Variants in GRIA4 observed in about 807,000 individuals in gnomAD.
GRIA4 encodes the protein glutamate ionotropic receptor AMPA type subunit 4.
Under a neutral mutation model 104.0 loss-of-function variants are expected in GRIA4, and 34 were observed. The observed-to-expected ratio is 0.33, with a 90% CI of 0.25 to 0.44. The LOEUF is 0.44. GRIA4 is among the 20% of genes least tolerant of loss of function. The pLI is 1.00. For missense variants in GRIA4, 750 were observed against 1,096.5 expected, an observed-to-expected ratio of 0.68 and a Z score of 4.46; for synonymous variants, 386 against 381.9, an observed-to-expected ratio of 1.01 and a Z score of -0.13.
chr11:105,777,276 TAAATCTAAGA>T (rs750736994), intron 4 of GRIA4, among the ~76,000 whole-genome samples: 58 of 152,294 alleles, frequency 3.8e-4, no homozygotes, highest in Non-Finnish European at 2.8e-4. Context: ...TGGTATGAAA[TAAATCTAAGA>T]AAATATTCCT....
chr11:105,970,089 A>G (rs1161708231), intron 14 of GRIA4, among the ~76,000 whole-genome samples: 1 of 151,992 alleles, frequency 6.6e-6, no homozygotes, highest in Admixed American at 6.6e-5. Context: ...TCCTCAACTC[A>G]CCCCACCCTC....
chr11:105,917,095 A>G (rs1240351675), intron 10 of GRIA4, among the ~76,000 whole-genome samples: 1 of 152,100 alleles, frequency 6.6e-6, no homozygotes, highest in Non-Finnish European at 1.5e-5. Flanking sequence ...CATTTGCTAA[A>G]CTCTTTATAT....
At chr11:105,684,061 A>G (rs1008551674) in intron 3 of GRIA4, among the ~76,000 whole-genome samples, 2 of 151,898 alleles carry the variant, frequency 1.3e-5, no homozygotes, top group African/African-American at 4.8e-5. Flanking sequence ...TTTAGTAGAG[A>G]TGAGGTTTCT....
At chr11:105,732,000 A>C (rs1264879433) in intron 3 of GRIA4, among the ~76,000 whole-genome samples, 2 of 152,214 alleles carry the variant, frequency 1.3e-5, no homozygotes, top group Non-Finnish European at 1.5e-5. Context: ...CGTTCTGCAC[A>C]TGTATCCCAG....
intron 3 of GRIA4, among the ~76,000 whole-genome samples, chr11:105,671,280 T>C (rs371572692): frequency 6.6e-6 from 1 of 152,000 alleles, no homozygotes; most frequent in East Asian, 1.9e-4. Flanking sequence ...GATGAAGAAA[T>C]AGCTTGAGGA....
chr11:105,714,910 C>T (rs1485332574), intron 3 of GRIA4, among the ~76,000 whole-genome samples: 1 of 151,980 alleles, frequency 6.6e-6, no homozygotes, highest in Non-Finnish European at 1.5e-5. Flanking sequence ...CTAATGTCCA[C>T]AAAAGGATGA....
At chr11:105,865,834 C>G (rs1249220554) in intron 5 of GRIA4, among the ~76,000 whole-genome samples, 1 of 152,116 alleles carries the variant, frequency 6.6e-6, no homozygotes, top group African/African-American at 2.4e-5. Flanking sequence ...TTTCTGGTAG[C>G]CAAAGTAATT....
At chr11:105,706,381 A>C (rs1194282933) in intron 3 of GRIA4, 1 of 152,856 alleles carries the variant, frequency 6.5e-6, no homozygotes, top group Non-Finnish European at 1.5e-5. Context: ...GCTTATGCCA[A>C]TGATATAAAA....
chr11:105,682,388 T>C (rs759378632), intron 3 of GRIA4, among the ~76,000 whole-genome samples: 1 of 152,104 alleles, frequency 6.6e-6, no homozygotes, highest in Non-Finnish European at 1.5e-5. Flanking sequence ...TCCCTGTAAA[T>C]GTTTTTCTTG....
rs34977277 is a variant in GRIA4 at position 105,634,449 on chromosome 11, G to GAGAA, written c.247+22030_247+22033dup. ...AGGAAGGGAGGAGAAAGGAAGGAAG[G>GAGAA]AGAAAGAAAGAAAGAAAGGGAAAGA... On this transcript the variant is annotated intron_variant, in intron 3 of 16. Transcript: ENST00000282499. Among the ~76,000 whole-genome samples the GAGAA allele has an allele frequency of 1.7e-3, 226 of 132,948 alleles. 3 individuals carry two copies. The East Asian group carries it at 0.02, about 12-fold the overall frequency. 87.2% of individuals were successfully genotyped at this position (132,948 alleles called of 152,430 possible).
intron 3 of GRIA4, among the ~76,000 whole-genome samples, chr11:105,729,043 C>CA (rs1309148045): frequency 1.2e-4 from 18 of 151,920 alleles, no homozygotes; most frequent in African/African-American, 4.4e-4. Flanking sequence ...AAAAACACTT[C>CA]AAAAAATCAG....
chr11:105,888,271 CTTTTTTTT>C (rs71469040), intron 6 of GRIA4, among the ~76,000 whole-genome samples: 74 of 54,564 alleles, frequency 1.4e-3, no homozygotes, highest in African/African-American at 5.6e-3. Context: ...ATGTTTTCTC[CTTTTTTTT>C]TTTTTTTTTT....
At chr11:105,716,972 CTT>C (rs1394425794) in intron 3 of GRIA4, among the ~76,000 whole-genome samples, 3 of 152,110 alleles carry the variant, frequency 2.0e-5, no homozygotes, top group Non-Finnish European at 4.4e-5. Context: ...GAAACTGAGT[CTT>C]TGCCTTTTCT....
At chr11:105,910,238 A>G (rs537070976) in intron 9 of GRIA4, among the ~76,000 whole-genome samples, 197 bp from the exon 10 acceptor site, 11 of 152,218 alleles carry the variant, frequency 7.2e-5, no homozygotes, top group African/African-American at 2.6e-4. Flanking sequence ...GTAACAAGAC[A>G]GGATCCTTAA....
chr11:105,842,590 T>C (rs182622418), intron 4 of GRIA4, among the ~76,000 whole-genome samples: 27 of 152,250 alleles, frequency 1.8e-4, no homozygotes, highest in African/African-American at 6.5e-4. Context: ...GAACCACTTT[T>C]CACATTGCTC....
rs61900316 is a variant in GRIA4, at chr11:105,724,586, G to A, written c.248-28395G>A. Among the ~76,000 whole-genome samples the A allele has an allele frequency of 4.7e-3, 721 of 152,144 alleles. 4 individuals are homozygous for A. Among genetic ancestry groups the A allele is most frequent in the Non-Finnish European group, 7.6e-3 (514 of 67,990 alleles). On this transcript the variant is annotated intron_variant, in intron 3 of 16. Transcript: ENST00000282499. ...CACTTATAAGTGGGAGCTAAATAGTGTGTATACATGGACATAGAGCATGAA... is the reference window on the plus strand; with the variant it reads ...CACTTATAAGTGGGAGCTAAATAGTATGTATACATGGACATAGAGCATGAA...
chr11:105,796,691 G>A lies in GRIA4; in HGVS notation c.487+43471G>A, dbSNP rs7937963. On this transcript the variant is annotated intron_variant, in intron 4 of 16. Coordinates refer to ENST00000282499, the MANE Select transcript of GRIA4 (RefSeq NM_000829.4). Reference sequence around the variant, plus strand: ...GTAACATTAAGAAAGAAAAGTTATCGTTTTGCTAGAAAATAAAGTGGCCCC... The same window carrying A: ...GTAACATTAAGAAAGAAAAGTTATCATTTTGCTAGAAAATAAAGTGGCCCC... 8.5e-4 allele frequency among the ~76,000 whole-genome samples: 129 copies of A among 152,128 alleles called. No individual in the cohort carries two copies. In the Middle Eastern group the frequency reaches 0.01, roughly 12 times the overall value.
chr11:105,957,525 A>G (rs1027554084), intron 14 of GRIA4, among the ~76,000 whole-genome samples: 6 of 152,186 alleles, frequency 3.9e-5, no homozygotes, highest in Non-Finnish European at 8.8e-5. Flanking sequence ...CTTGTAGTAT[A>G]GTTTGAAGTC....
At chr11:105,721,656 CTTAA>C (rs1937830614) in intron 3 of GRIA4, among the ~76,000 whole-genome samples, 1 of 152,194 alleles carries the variant, frequency 6.6e-6, no homozygotes. Flanking sequence ...AACAGAAAAA[CTTAA>C]TTAAACAAGC....
Sources: allele counts gnomAD v4.1 joint callset (sites outside exome capture counted in the v4.1 genomes callset), GRCh38; gene constraint gnomAD v4.1.1; transcripts MANE v1.5; gene names NCBI Gene and HGNC (gene_info 2026-07-23, HGNC 2026-07-21).